B3GALT1: variants seen among roughly 807,000 people sequenced by gnomAD.
The protein encoded by B3GALT1 is UDP-Gal:betaGlcNAc beta 1,3-galactosyltransferase, polypeptide 1.
B3GALT1 carries 10 observed loss-of-function variants against 23.2 expected under a neutral mutation model. The ratio of observed to expected loss-of-function variants is 0.43; its 90% CI spans 0.27 to 0.73. The LOEUF is 0.73. Ranked by LOEUF, B3GALT1 falls within the 30% of genes least tolerant of loss-of-function variation. The probability of loss-of-function intolerance (pLI) is 0.21; values close to 1 mark genes in which losing one functional copy is unlikely to be tolerated. For synonymous variants in B3GALT1, 156 were observed against 141.5 expected (o/e 1.10, Z -0.73); for missense variants, 299 against 405.4 (o/e 0.74, Z 2.25).
chr2:167,323,749 A>C (rs1447972700), intron 1 of B3GALT1, among the ~76,000 whole-genome samples: 1 of 152,236 alleles, frequency 6.6e-6, no homozygotes, highest in Non-Finnish European at 1.5e-5. Flanking sequence ...TCATTACTAA[A>C]ATAAGAATAA....
chr2:167,712,935 G>T (rs1365054221), intron 3 of B3GALT1, among the ~76,000 whole-genome samples: 1 of 152,146 alleles, frequency 6.6e-6, no homozygotes, highest in East Asian at 1.9e-4. Context: ...TCAATAGGGG[G>T]AAAAATACCA....
rs1699369213 is a variant in B3GALT1 at position 167,467,733 on chromosome 2, A to G, written c.-510-22444A>G. The stretch of plus-strand genomic sequence containing the variant: ...TAGGAAAAAATCAATCAATCAAGCA[A>G]ATTAATTCAACACACCCTTTATGAG... On this transcript the variant is annotated intron_variant, in intron 1 of 4. Coordinates refer to ENST00000392690, the MANE Select transcript of B3GALT1 (RefSeq NM_020981.4). 1.3e-5 allele frequency among the ~76,000 whole-genome samples: 2 copies of G among 152,212 alleles called. 1 individual carries two copies. The highest frequency in any genetic ancestry group is 2.9e-5 in the Non-Finnish European group (2 of 68,032).
chr2:167,517,814 T>G (rs577522996), intron 2 of B3GALT1, among the ~76,000 whole-genome samples: 3 of 152,120 alleles, frequency 2.0e-5, no homozygotes, highest in African/African-American at 2.4e-5. Context: ...TGGAGTTGTA[T>G]GAGCAACACA....
chr2:167,570,677 A>G (rs369369872), intron 2 of B3GALT1, among the ~76,000 whole-genome samples: 1 of 152,062 alleles, frequency 6.6e-6, no homozygotes, highest in South Asian at 2.1e-4. Context: ...CATATGTTCA[A>G]ATTCATGTCC....
chr2:167,562,198 G>A (rs1040332019), intron 2 of B3GALT1, among the ~76,000 whole-genome samples: 36 of 152,028 alleles, frequency 2.4e-4, no homozygotes, highest in East Asian at 2.3e-3. Flanking sequence ...AGAACCAAAG[G>A]CAAAAACCAC....
At chr2:167,718,353 C>A (rs1005708862) in intron 3 of B3GALT1, among the ~76,000 whole-genome samples, 1 of 151,394 alleles carries the variant, frequency 6.6e-6, no homozygotes, top group Non-Finnish European at 1.5e-5. Flanking sequence ...CATCTTTGTT[C>A]TGCAGGGCAA....
intron 2 of B3GALT1, among the ~76,000 whole-genome samples, chr2:167,568,090 A>G (rs531969104): frequency 6.6e-6 from 1 of 152,274 alleles, no homozygotes; most frequent in Non-Finnish European, 1.5e-5. Flanking sequence ...ACTGAATAAT[A>G]GTCCATTATC....
intron 1 of B3GALT1, among the ~76,000 whole-genome samples, chr2:167,409,144 T>C (rs759091957): frequency 1.1e-4 from 16 of 152,200 alleles, no homozygotes; most frequent in Non-Finnish European, 2.2e-4. Flanking sequence ...AACTGCTCTT[T>C]GTAGGTAACC....
intron 1 of B3GALT1, among the ~76,000 whole-genome samples, chr2:167,487,772 A>G (rs895393126): frequency 2.0e-5 from 3 of 152,182 alleles, no homozygotes; most frequent in African/African-American, 2.4e-5. Context: ...AGCATTTTAT[A>G]TTGGAAAACG....
chr2:167,407,843 C>G (rs1303940645), intron 1 of B3GALT1, among the ~76,000 whole-genome samples: 1 of 152,034 alleles, frequency 6.6e-6, no homozygotes, highest in African/African-American at 2.4e-5. Flanking sequence ...TGTAAAGATT[C>G]TCATTAAAGA....
intron 2 of B3GALT1, among the ~76,000 whole-genome samples, chr2:167,558,502 G>A (rs991197570): frequency 1.3e-5 from 2 of 152,184 alleles, no homozygotes; most frequent in Non-Finnish European, 2.9e-5. Context: ...AGCAGGGCGA[G>A]GCATTGACTC....
chr2:167,557,812 A>T (rs1683880623), intron 2 of B3GALT1, among the ~76,000 whole-genome samples: 1 of 152,352 alleles, frequency 6.6e-6, no homozygotes, highest in South Asian at 2.1e-4. Context: ...CAAGAAGGGT[A>T]CTTAGCGAAA....
intron 1 of B3GALT1, among the ~76,000 whole-genome samples, chr2:167,438,174 AGTT>A (rs1698816742): frequency 6.6e-6 from 1 of 152,240 alleles, no homozygotes; most frequent in African/African-American, 2.4e-5. Context: ...CTTTGTAAAA[AGTT>A]GTTGGAATGC....
intron 2 of B3GALT1, among the ~76,000 whole-genome samples, chr2:167,634,024 A>C (rs1287317180): frequency 6.6e-6 from 1 of 152,278 alleles, no homozygotes; most frequent in East Asian, 1.9e-4. Flanking sequence ...TCAAATTAGA[A>C]CTCAGGATTA....
chr2:167,851,827 C>T (rs1689907725), intron 4 of B3GALT1, among the ~76,000 whole-genome samples: 1 of 152,202 alleles, frequency 6.6e-6, no homozygotes, highest in East Asian at 1.9e-4. Context: ...CACTTCTCTA[C>T]TAGTCTTCTG....
intron 2 of B3GALT1, among the ~76,000 whole-genome samples, chr2:167,606,388 GTC>G (rs1440606060): frequency 1.3e-5 from 2 of 152,146 alleles, no homozygotes; most frequent in African/African-American, 4.8e-5. Context: ...AACACTTTAA[GTC>G]TCTGAAAAAA....
At chr2:167,867,107 T>C (rs1690240004) in intron 4 of B3GALT1, among the ~76,000 whole-genome samples, 1 of 152,148 alleles carries the variant, frequency 6.6e-6, no homozygotes, top group African/African-American at 2.4e-5. Flanking sequence ...TTTGTATTTT[T>C]AGTAGAGACG....
chr2:167,767,664 C>T lies in B3GALT1; in HGVS notation c.-351-51008C>T, dbSNP rs1009449141. Among the ~76,000 whole-genome samples the T allele has an allele frequency of 3.9e-5, 6 of 152,048 alleles. No individual in the cohort carries two copies. In the South Asian group the frequency reaches 6.2e-4, roughly 16 times the overall value. ...CACATATTTGTTAATGTGTCAGGTA[C>T]GGAAGAAATCTAGCAGTTTCTTTGA... is the stretch of plus-strand genomic sequence containing the variant. On this transcript the variant is annotated intron_variant, in intron 3 of 4. Transcript: ENST00000392690.
chr2:167,867,129 T>C (rs2615320), intron 4 of B3GALT1, among the ~76,000 whole-genome samples: 149,334 of 152,162 alleles, frequency 0.98, 73,301 homozygotes, highest in Non-Finnish European at 0.99. Context: ...GGTTTCACCG[T>C]TTTAGCCAGG....
Sources: gnomAD v4.1 joint callset for allele counts (sites outside exome capture counted in the v4.1 genomes callset) on GRCh38, gnomAD v4.1.1 for gene constraint, MANE v1.5 for transcripts, NCBI Gene and HGNC (gene_info 2026-07-23, HGNC 2026-07-21) for gene names.